Variants in POM121C observed in about 807,000 individuals in gnomAD.
POM121C encodes the protein nuclear envelope pore membrane protein POM 121C.
A neutral mutation model predicts 66.4 loss-of-function variants in POM121C; 20 were observed. The observed-to-expected ratio is 0.30, with a 90% CI of 0.21 to 0.44. POM121C has a LOEUF of 0.44. Ranked by LOEUF, POM121C falls within the 20% of genes least tolerant of loss-of-function variation. The pLI is 1.00. For missense variants in POM121C, 580 were observed against 1,225.7 expected (o/e 0.47, Z 7.87); for synonymous variants, 286 against 528.0 (o/e 0.54, Z 6.28).
intron 7 of POM121C, among the ~76,000 whole-genome samples, chr7:75,430,474 CA>C (rs1296720355): frequency 1.3e-5 from 2 of 151,650 alleles, no homozygotes; most frequent in African/African-American, 4.8e-5. Context: ...AACAAACAAA[CA>C]AAAAAAACTA....
chr7:75,442,677 G>T (rs1471746055), intron 3 of POM121C: 1 of 1,428,224 alleles, frequency 7.0e-7, no homozygotes. Flanking sequence ...GCTATCGGCC[G>T]CCGCCGCTCG....
rs1554473191 is a variant in POM121C, at chr7:75,437,604, A to G, written c.391T>C (p.Ser131Pro). 1.2e-6 allele frequency: 2 copies of G among 1,613,972 alleles called. No homozygotes were observed. Among genetic ancestry groups the G allele is most frequent in the Non-Finnish European group, 1.7e-6 (2 of 1,179,860 alleles). ...NKRSRSSSMS[S>P]LTGAYTSGIP... Reference sequence around the variant, plus strand: ...CCACTTGTGTAAGCGCCTGTCAAGGAGCTCATGGAAGAGCTTCGGGATCTC... The same window carrying G: ...CCACTTGTGTAAGCGCCTGTCAAGGGGCTCATGGAAGAGCTTCGGGATCTC... Residue 131 changes from serine (S) to proline (P), a missense_variant, in exon 7 of 15, where the codon TCC becomes CCC. Transcript: ENST00000615331.
intron 6 of POM121C, among the ~76,000 whole-genome samples, chr7:75,438,383 T>C (rs1790497709): frequency 1.3e-5 from 2 of 152,254 alleles, no homozygotes; most frequent in African/African-American, 4.8e-5. Context: ...CTTTGGTTTT[T>C]TGGAGACCAT....
At chr7:75,450,916 C>T (rs1369027541) in intron 3 of POM121C, among the ~76,000 whole-genome samples, 1 of 152,004 alleles carries the variant, frequency 6.6e-6, no homozygotes, top group Non-Finnish European at 1.5e-5. Flanking sequence ...GGAAATCAGC[C>T]CTTAGGAAGC....
At chr7:75,434,191 C>T (rs1554472743) in intron 7 of POM121C, among the ~76,000 whole-genome samples, 3 of 152,178 alleles carry the variant, frequency 2.0e-5, no homozygotes, top group African/African-American at 7.2e-5. Flanking sequence ...AGGATATGAA[C>T]TAAGACTCAC....
At chr7:75,441,389 T>C (rs782516539) in intron 4 of POM121C, 43 bp downstream of exon 4, 19 of 1,591,074 alleles carry the variant, frequency 1.2e-5, no homozygotes, top group Non-Finnish European at 1.6e-5. Flanking sequence ...AAGAATAAAG[T>C]GGACACGAAA....
intron 3 of POM121C, among the ~76,000 whole-genome samples, chr7:75,460,002 G>C (rs1193020341): frequency 9.1e-6 from 1 of 110,358 alleles, no homozygotes; most frequent in Admixed American, 1.1e-4. Flanking sequence ...ATACTGAATT[G>C]ATTTAGCATG....
intron 1 of POM121C, 42 bp downstream of exon 1, chr7:75,485,822 C>G (rs1563163852): frequency 2.0e-6 from 1 of 491,492 alleles, no homozygotes; most frequent in African/African-American, 1.9e-5. Context: ...GGTGACTTCA[C>G]CCAGGCCCTT....
chr7:75,436,059 A>C (rs1188373422), intron 7 of POM121C, among the ~76,000 whole-genome samples: 1 of 152,104 alleles, frequency 6.6e-6, no homozygotes, highest in African/African-American at 2.4e-5. Context: ...TCAAAAAAAA[A>C]AAAAGAAATT....
chr7:75,437,523 T>A lies in POM121C; in HGVS notation c.472A>T (p.Ile158Phe), dbSNP rs782629643. 6 of 1,611,422 alleles carry A rather than the reference T, an allele frequency of 3.7e-6. No individual in the cohort carries two copies. The African/African-American group carries it at 6.7e-5, about 18-fold the overall frequency. Residue 158 changes from isoleucine to phenylalanine, a missense_variant, in exon 7 of 15, where the codon ATC becomes TTC. Transcript: ENST00000615331. ...ITSSYSSTRGISQLWKRNGPS... is the reference protein window; with the variant it reads ...ITSSYSSTRGFSQLWKRNGPS... ...AAGAGCTGTACTTGTACCTGTGAGA[T>A]GCCTCGAGTGGAGCTGTAGGAACTG...
At chr7:75,474,297 G>T (rs1182990680) in intron 3 of POM121C, among the ~76,000 whole-genome samples, 1 of 152,148 alleles carries the variant, frequency 6.6e-6, no homozygotes, top group Non-Finnish European at 1.5e-5. Flanking sequence ...AGGAGGCTGA[G>T]GAAGGAGAAT....
intron 13 of POM121C, chr7:75,420,202 C>T (rs1789639523): frequency 6.6e-6 from 1 of 152,224 alleles, no homozygotes; most frequent in African/African-American, 2.4e-5. Context: ...CCTCTCAGCC[C>T]CTCGGCCCTG....
At chr7:75,437,463 G>A in intron 7 of POM121C, 52 bp downstream of exon 7, 1 of 1,571,488 alleles carries the variant, frequency 6.4e-7, no homozygotes, top group Middle Eastern at 1.7e-4. Flanking sequence ...CCTAATCAAT[G>A]AATGAACGCT....
chr7:75,483,276 T>C (rs1232793440), intron 1 of POM121C, among the ~76,000 whole-genome samples: 2 of 152,210 alleles, frequency 1.3e-5, no homozygotes, highest in African/African-American at 4.8e-5. Flanking sequence ...TCAACTTGAA[T>C]GAAGAAATTT....
rs1456270812 is a variant in POM121C, at chr7:75,486,038, C to A, written c.-632G>T. The A allele has an allele frequency of 2.2e-6, 1 of 455,240 alleles. No individual in the cohort carries two copies. The highest frequency in any genetic ancestry group is 4.3e-6 in the Non-Finnish European group (1 of 230,062). The allele number at this position is 455,240 out of a possible 1,614,324, so 28.2% of individuals were successfully genotyped here. ...GGCAAATCCAGGCGGGTGTCCTTCT[C>A]GGGGCCCAGATCCGCCTCCCTGGGG... is the stretch of plus-strand genomic sequence containing the variant. On this transcript the variant is annotated 5_prime_UTR_variant, in exon 1 of 15. Coordinates refer to ENST00000615331, the MANE Select transcript of POM121C (RefSeq NM_001099415.3).
At position 75,419,300 on chromosome 7, in the gene POM121C, C is replaced by T; in HGVS notation, c.2866+20G>A. 1.2e-6 allele frequency: 2 copies of T among 1,604,748 alleles called. No individual in the cohort carries two copies. Among genetic ancestry groups the T allele is most frequent in the Non-Finnish European group, 8.5e-7 (1 of 1,175,576 alleles). ...CTCCTCAGACAGACGAGCAGGGCCA[C>T]AGGGTGGCTTGCTGCTTACCGAACG... is the stretch of plus-strand genomic sequence containing the variant. On this transcript the variant is annotated intron_variant, in intron 14 of 14. Coordinates refer to ENST00000615331, the MANE Select transcript of POM121C (RefSeq NM_001099415.3).
At chr7:75,483,860 G>A (rs1334462839) in intron 1 of POM121C, among the ~76,000 whole-genome samples, 3 of 151,976 alleles carry the variant, frequency 2.0e-5, no homozygotes, top group African/African-American at 7.2e-5. Flanking sequence ...CAGCACTTTG[G>A]GAGGCTGAGG....
chr7:75,442,587 G>A, intron 3 of POM121C: 8 of 1,493,216 alleles, frequency 5.4e-6, no homozygotes, highest in Non-Finnish European at 7.1e-6. Context: ...AGGTACAGTA[G>A]GAGGCCGACC....
intron 3 of POM121C, among the ~76,000 whole-genome samples, chr7:75,468,809 C>G (rs1158602167): frequency 6.6e-6 from 1 of 152,100 alleles, no homozygotes; most frequent in Non-Finnish European, 1.5e-5. Flanking sequence ...ATCGCTTGAG[C>G]CCAGGAGTTT....
Sources: gnomAD v4.1 joint callset for allele counts (sites outside exome capture counted in the v4.1 genomes callset) on GRCh38, gnomAD v4.1.1 for gene constraint, MANE v1.5 for transcripts, NCBI Gene and HGNC (gene_info 2026-07-23, HGNC 2026-07-21) for gene names.